Variants in ADGRB3 observed in about 807,000 individuals in gnomAD.
ADGRB3 encodes adhesion G protein-coupled receptor B3.
ADGRB3 carries 37 observed loss-of-function variants against 193.4 expected under a neutral mutation model. The observed-to-expected ratio is 0.19, with a 90% CI of 0.15 to 0.25. The LOEUF is 0.25. Among genes scored for constraint, ADGRB3 ranks in the 10% least tolerant of loss-of-function variants. ADGRB3 has a pLI of 1.00. For missense variants in ADGRB3, 1,637 were observed against 1,852.9 expected (o/e 0.88, Z 2.14); for synonymous variants, 690 against 644.2 (o/e 1.07, Z -1.08).
chr6:68,930,556 T>C lies in ADGRB3; in HGVS notation c.758-3T>C, dbSNP rs1386919064. 3.7e-6 allele frequency: 6 copies of C among 1,600,346 alleles called. No homozygotes were observed. The African/African-American group carries it at 4.0e-5, about 11-fold the overall frequency. The stretch of plus-strand genomic sequence containing the variant: ...CTTTCATATACCTTTATTCTGTCTT[T>C]AGAATTTGGAATGATGGGAGATCAT... On this transcript the variant is annotated splice_region_variant and splice_polypyrimidine_tract_variant and intron_variant, in intron 3 of 31. Coordinates refer to ENST00000370598, the MANE Select transcript of ADGRB3 (RefSeq NM_001704.3).
At chr6:69,023,102 T>G (rs1167363978) in intron 13 of ADGRB3, among the ~76,000 whole-genome samples, 2 of 152,090 alleles carry the variant, frequency 1.3e-5, no homozygotes, top group African/African-American at 4.8e-5. Flanking sequence ...ATCAGTGATG[T>G]GTCACATGTT....
chr6:68,677,601 T>A (rs1027768034), intron 3 of ADGRB3, among the ~76,000 whole-genome samples: 2 of 144,944 alleles, frequency 1.4e-5, no homozygotes, highest in Non-Finnish European at 3.0e-5. Flanking sequence ...CACTGCAACC[T>A]CTGCCTCCTA....
At chr6:69,153,995 A>G (rs566110275) in intron 17 of ADGRB3, among the ~76,000 whole-genome samples, 14 of 152,254 alleles carry the variant, frequency 9.2e-5, no homozygotes, top group African/African-American at 3.4e-4. Context: ...TCTGTCTCAA[A>G]AAAAAAGAAA....
intron 3 of ADGRB3, among the ~76,000 whole-genome samples, chr6:68,896,357 G>A (rs1766218124): frequency 6.6e-6 from 1 of 152,082 alleles, no homozygotes; most frequent in South Asian, 2.1e-4. Context: ...GTCAGGAAGG[G>A]ATGCAAAAGT....
chr6:68,940,219 T>C (rs1334832250), intron 5 of ADGRB3, among the ~76,000 whole-genome samples: 1 of 152,198 alleles, frequency 6.6e-6, no homozygotes, highest in Non-Finnish European at 1.5e-5. Flanking sequence ...CTACTTTCAA[T>C]AGCACAATTT....
chr6:68,708,843 A>G (rs1196994020), intron 3 of ADGRB3, among the ~76,000 whole-genome samples: 2 of 152,158 alleles, frequency 1.3e-5, no homozygotes, highest in Admixed American at 1.3e-4. Flanking sequence ...TCTGAAAATG[A>G]GCTTTTGTTT....
At chr6:68,883,584 GTGAACAACTCTGGACTGGAGGAA>G (rs754034937) in intron 3 of ADGRB3, among the ~76,000 whole-genome samples, 58 of 152,164 alleles carry the variant, frequency 3.8e-4, no homozygotes, top group Non-Finnish European at 5.9e-4. Context: ...ACTGGGAGGA[GTGAACAACTCTGGACTGGAGGAA>G]TGAACAACTC....
At chr6:69,190,044 A>C (rs1300502730) in intron 17 of ADGRB3, among the ~76,000 whole-genome samples, 9 of 152,192 alleles carry the variant, frequency 5.9e-5, no homozygotes, top group African/African-American at 1.7e-4. Context: ...AGTAGAGCAC[A>C]TACAATTATG....
At chr6:68,778,636 G>A (rs1766795431) in intron 3 of ADGRB3, among the ~76,000 whole-genome samples, 1 of 152,068 alleles carries the variant, frequency 6.6e-6, no homozygotes, top group African/African-American at 2.4e-5. Context: ...ACTTTGCAGA[G>A]CACTTGTGAT....
At chr6:69,015,709 C>CAT (rs1770068229) in intron 12 of ADGRB3, among the ~76,000 whole-genome samples, 1 of 151,856 alleles carries the variant, frequency 6.6e-6, no homozygotes, top group Non-Finnish European at 1.5e-5. Context: ...TGGCTATTGA[C>CAT]ATTGGAAGTT....
At chr6:68,959,257 T>C (rs1451544008) in intron 8 of ADGRB3, among the ~76,000 whole-genome samples, 1 of 152,138 alleles carries the variant, frequency 6.6e-6, no homozygotes, top group Non-Finnish European at 1.5e-5. Context: ...TCAGCCATTA[T>C]ATTGCTTCAA....
intron 15 of ADGRB3, among the ~76,000 whole-genome samples, chr6:69,056,824 C>T (rs1402378034): frequency 6.6e-6 from 1 of 152,088 alleles, no homozygotes; most frequent in Non-Finnish European, 1.5e-5. Context: ...ACACCAGTAC[C>T]ATACTTTAAA....
chr6:69,166,479 A>G (rs1775134732), intron 17 of ADGRB3, among the ~76,000 whole-genome samples: 1 of 152,170 alleles, frequency 6.6e-6, no homozygotes, highest in African/African-American at 2.4e-5. Context: ...AAACCAATGT[A>G]TAAAATGTAG....
intron 10 of ADGRB3, among the ~76,000 whole-genome samples, chr6:68,983,504 T>A: frequency 6.7e-6 from 1 of 149,644 alleles, no homozygotes; most frequent in Non-Finnish European, 1.5e-5. Flanking sequence ...TAATTGTAAT[T>A]GAATATAATT....
At chr6:69,211,447 C>T (rs1174556150) in intron 17 of ADGRB3, among the ~76,000 whole-genome samples, 5 of 151,852 alleles carry the variant, frequency 3.3e-5, no homozygotes, top group South Asian at 2.1e-4. Flanking sequence ...TGTTTGTTTG[C>T]GTGTGTGTGC....
intron 3 of ADGRB3, among the ~76,000 whole-genome samples, chr6:68,762,157 CT>C (rs1286345374): frequency 6.6e-6 from 1 of 152,002 alleles, no homozygotes; most frequent in Non-Finnish European, 1.5e-5. Context: ...TAAAGGTCAT[CT>C]TTTTCCACTC....
intron 17 of ADGRB3, among the ~76,000 whole-genome samples, chr6:69,144,392 C>T (rs925594536): frequency 6.6e-6 from 1 of 152,080 alleles, no homozygotes; most frequent in Non-Finnish European, 1.5e-5. Flanking sequence ...AATTTAGATG[C>T]CCTTTATTTA....
chr6:69,372,972 G>A (rs1769737587), intron 30 of ADGRB3, among the ~76,000 whole-genome samples: 1 of 151,638 alleles, frequency 6.6e-6, no homozygotes, highest in Non-Finnish European at 1.5e-5. Flanking sequence ...TTTAGTAAAC[G>A]CCTTTTCACA....
At chr6:69,047,913 G>A (rs915822607) in intron 13 of ADGRB3, among the ~76,000 whole-genome samples, 8 of 152,092 alleles carry the variant, frequency 5.3e-5, no homozygotes, top group African/African-American at 1.9e-4. Flanking sequence ...ATATAGCAGT[G>A]CCTGTTAATA....
Sources: gnomAD v4.1 joint callset for allele counts (sites outside exome capture counted in the v4.1 genomes callset) on GRCh38, gnomAD v4.1.1 for gene constraint, MANE v1.5 for transcripts, NCBI Gene and HGNC (gene_info 2026-07-23, HGNC 2026-07-21) for gene names.